Variants in PLA2G4F observed in about 807,000 individuals in gnomAD.
PLA2G4F encodes phospholipase A2 group IVF.
PLA2G4F carries 105 observed loss-of-function variants against 103.1 expected under a neutral mutation model. The ratio of observed to expected loss-of-function variants is 1.02; its 90% CI spans 0.87 to 1.20. The LOEUF (loss-of-function observed/expected upper bound fraction) is 1.20, where lower values mean the gene tolerates loss of function less well. PLA2G4F is among the 50% of genes most tolerant of loss of function. The probability of loss-of-function intolerance (pLI) is 0.00; values close to 1 mark genes in which losing one functional copy is unlikely to be tolerated. For synonymous variants in PLA2G4F, 468 were observed against 441.1 expected, an observed-to-expected ratio of 1.06 and a Z score of -0.76; for missense variants, 1,155 against 1,075.9, an observed-to-expected ratio of 1.07 and a Z score of -1.03.
intron 18 of PLA2G4F, among the ~76,000 whole-genome samples, chr15:42,143,130 G>C (rs892923008): frequency 2.3e-5 from 3 of 128,296 alleles, no homozygotes; most frequent in East Asian, 4.6e-4. Flanking sequence ...AGCGAGCCAA[G>C]ATTGCACCAC....
In PLA2G4F at chr15:42,150,438, C is replaced by T. The variant is rs761911194; in HGVS notation, c.820G>A (p.Gly274Arg). The change falls in exon 9 of 20, where the codon GGG (glycine) becomes AGG (arginine). Residue 274 changes from glycine (G) to arginine (R), a missense_variant. Physicochemically the swap from Gly to Arg is moderately radical, Grantham distance 125. Around this residue, in one of 3 missense-constraint regions of PLA2G4F, gnomAD observed 370 missense variants for 364.9 expected, o/e 1.01. Coordinates refer to ENST00000397272, the MANE Select transcript of PLA2G4F (RefSeq NM_213600.4). The stretch of plus-strand genomic sequence containing the variant: ...GGCAGAGAGGAGAGCAGGATGCCCC[C>T]CTCGCCCAGCTTGCTGGTCTGAGCC... ...LEAQTSKLGE[G>R]GILLSSLPLG... The T allele has an allele frequency of 5.6e-6, 9 of 1,613,526 alleles. No individual in the cohort carries two copies. The highest frequency in any genetic ancestry group is 1.7e-4 in the Middle Eastern group (1 of 6,060).
At chr15:42,149,149 C>G in intron 11 of PLA2G4F, 2 of 985,394 alleles carry the variant, frequency 2.0e-6, no homozygotes, top group Non-Finnish European at 2.4e-6. Flanking sequence ...GATCACATTA[C>G]AGACTCAACT....
rs2048874548 is a variant in PLA2G4F, at chr15:42,145,644, T to A, written c.1711A>T (p.Ile571Phe). Residue 571 changes from isoleucine (I) to phenylalanine (F), a missense_variant, in exon 16 of 20, where the codon ATC (isoleucine) becomes TTC (phenylalanine). Physicochemically the swap from Ile to Phe is conservative, Grantham distance 21. This residue lies in a region of PLA2G4F where 782 missense variants were observed against 692.9 expected (regional missense o/e 1.13). Coordinates refer to ENST00000397272, the MANE Select transcript of PLA2G4F (RefSeq NM_213600.4). ...CCCGAGCCGGCGGTCTTTAGGAAGA[T>A]CTCATCCAGGCTGGTGGCAAAGGCG... is the stretch of plus-strand genomic sequence containing the variant. ...GSAFATSLDE[I>F]FLKTAGSGLS... 1 of 1,613,926 alleles carries A rather than the reference T, an allele frequency of 6.2e-7. No individual in the cohort carries two copies. Among genetic ancestry groups the A allele is most frequent in the Admixed American group, 1.7e-5 (1 of 59,994 alleles).
Position 42,141,041 on chromosome 15 carries a change from G to A in PLA2G4F, c.*943C>T, listed in dbSNP as rs1451511378. On this transcript the variant is annotated 3_prime_UTR_variant, in exon 20 of 20. Transcript: ENST00000397272. ...AAACAAAACTTGCCAAGACCCATTG[G>A]ATGCATCTGGGAAAGAGGCAAGAGC... 2.8e-6 allele frequency: 1 copy of A among 352,770 alleles called. No individual in the cohort carries two copies. The highest frequency in any genetic ancestry group is 5.6e-6 in the Non-Finnish European group (1 of 177,882). 21.9% of individuals were successfully genotyped at this position (352,770 alleles called of 1,614,324 possible).
rs1334699533 is a variant in PLA2G4F at position 42,147,185 on chromosome 15, C to T, written c.1358G>A (p.Gly453Asp). ...TQELGVRERSGHSVSLIDLWG... is the reference protein window; with the variant it reads ...TQELGVRERSDHSVSLIDLWG... Reference sequence around the variant, plus strand: ...GAGGTCGATGAGGGACACGCTGTGGCCACTGCGCTCCCGGACCCCCAGTTC... The same window carrying T: ...GAGGTCGATGAGGGACACGCTGTGGTCACTGCGCTCCCGGACCCCCAGTTC... The change falls in exon 13 of 20, where the codon GGC (glycine) becomes GAC (aspartate). Residue 453 changes from glycine to aspartate, a missense_variant. Coordinates refer to ENST00000397272, the MANE Select transcript of PLA2G4F (RefSeq NM_213600.4). 8 of 1,612,868 alleles carry T rather than the reference C, an allele frequency of 5.0e-6. 1 individual carries two copies. The Middle Eastern group carries it at 1.4e-3, about 275-fold the overall frequency.
rs1277080041 is a variant in PLA2G4F, at chr15:42,147,682, C to T, written c.1140G>A (p.Gln380=). 3 of 1,614,058 alleles carry T rather than the reference C, an allele frequency of 1.9e-6. No individual in the cohort carries two copies. In the African/African-American group the frequency reaches 4.0e-5, roughly 22 times the overall value. Residue 380 remains glutamine, a synonymous_variant, in exon 12 of 20, where the codon CAG becomes CAA. Coordinates refer to ENST00000397272, the MANE Select transcript of PLA2G4F (RefSeq NM_213600.4). The stretch of plus-strand genomic sequence containing the variant: ...TCACAGTGTCTAGAAGGCCGAGCTC[C>T]TGCAACCCTGCCAGGCTGCCGTACA... ...SSLYGSLAGL[Q]ELGLLDTVTY...
chr15:42,154,875 GT>G (rs2048997490), intron 2 of PLA2G4F, among the ~76,000 whole-genome samples: 1 of 152,086 alleles, frequency 6.6e-6, no homozygotes, highest in Non-Finnish European at 1.5e-5. Context: ...CTGCACAGCT[GT>G]CCCCTCCAGC....
At chr15:42,149,171 A>G in intron 11 of PLA2G4F, 1 of 984,928 alleles carries the variant, frequency 1.0e-6, no homozygotes, top group Non-Finnish European at 1.2e-6. Context: ...TCCCCCTCCA[A>G]ATTCCTGTGT....
rs945650656 is a variant in PLA2G4F at position 42,142,790 on chromosome 15, C to T, written c.2143-76G>A. ...CCGCCGCCCTGGACTCACACACGCCCAGGCTTCAATGCCAGCTCTGTTTCT... is the reference window on the plus strand; with the variant it reads ...CCGCCGCCCTGGACTCACACACGCCTAGGCTTCAATGCCAGCTCTGTTTCT... On this transcript the variant is annotated intron_variant, in intron 18 of 19. Transcript: ENST00000397272. The T allele has an allele frequency of 1.0e-5, 15 of 1,475,602 alleles. No individual in the cohort carries two copies. In the African/African-American group the frequency reaches 2.1e-4, roughly 21 times the overall value. The allele number at this position is 1,475,602 out of a possible 1,614,324, so 91.4% of individuals were successfully genotyped here. A position where few individuals can be genotyped will look rare whatever the true frequency, so the allele number is the denominator to read the frequency against.
In PLA2G4F at chr15:42,140,646, T is replaced by G. The variant is rs894618267; in HGVS notation, c.*1338A>C. 2 of 152,898 alleles carry G rather than the reference T, an allele frequency of 1.3e-5. No individual in the cohort carries two copies. The highest frequency in any genetic ancestry group is 4.8e-5 in the African/African-American group (2 of 41,470). The allele number at this position is 152,898 out of a possible 1,614,324, so 9.5% of individuals were successfully genotyped here. On this transcript the variant is annotated 3_prime_UTR_variant, in exon 20 of 20. Transcript: ENST00000397272. ...TCCCAGGCCAGGCCAAGACACAGGC[T>G]GGGCTCCAGTCACCCTTCCCCAACC...
chr15:42,150,553 G>GA (rs1379857512), intron 8 of PLA2G4F, 55 bp downstream of exon 8: 1 of 1,596,038 alleles, frequency 6.3e-7, no homozygotes, highest in Non-Finnish European at 8.5e-7. Context: ...ACGTGGCCCT[G>GA]GAACGCCAGT....
chr15:42,145,942 C>CCA (rs746300228), intron 14 of PLA2G4F, 39 bp from the exon 15 acceptor site: 2 of 1,608,312 alleles, frequency 1.2e-6, no homozygotes, highest in East Asian at 4.5e-5. Context: ...CAGGGGCTTC[C>CCA]CACCACGGTG....
chr15:42,154,682 G>C (rs1485935732), intron 2 of PLA2G4F, among the ~76,000 whole-genome samples: 1 of 152,094 alleles, frequency 6.6e-6, no homozygotes, highest in African/African-American at 2.4e-5. Context: ...CAGCCAGTTG[G>C]AAAGATCCCA....
rs764023975 is a variant in PLA2G4F, at chr15:42,141,615, C to A, written c.*369G>T. 6.3e-6 allele frequency: 3 copies of A among 476,464 alleles called. No homozygotes were observed. Among genetic ancestry groups the A allele is most frequent in the South Asian group, 1.5e-5 (1 of 64,742 alleles). The allele number at this position is 476,464 out of a possible 1,614,324, so 29.5% of individuals were successfully genotyped here. ...ACAGCTGGCTTCTCAGTGCCCTCAG[C>A]CCCTGTTCTGTGTGGGTCTGAGGAC... On this transcript the variant is annotated 3_prime_UTR_variant, in exon 20 of 20. Transcript: ENST00000397272.
chr15:42,153,650 T>C lies in PLA2G4F; in HGVS notation c.461A>G (p.Glu154Gly), dbSNP rs1397140667. ...CTCCAGAACAAATTCCACCTGCAGC[T>C]CTTGTGAATCCTACATGGAGGGGGA... The part of the protein sequence containing the change: ...TFPLNHQDSQ[E>G]LQVEFVLEKS... Residue 154 changes from glutamate to glycine, a missense_variant, in exon 5 of 20, where the codon GAG (glutamate) becomes GGG (glycine). Physicochemically the swap from Glu to Gly is moderately conservative, Grantham distance 98. Around this residue, in one of 3 missense-constraint regions of PLA2G4F, gnomAD observed 370 missense variants for 364.9 expected, o/e 1.01. Coordinates refer to ENST00000397272, the MANE Select transcript of PLA2G4F (RefSeq NM_213600.4). 3 of 1,614,162 alleles carry C rather than the reference T, an allele frequency of 1.9e-6. No individual in the cohort carries two copies. The highest frequency in any genetic ancestry group is 1.1e-5 in the South Asian group (1 of 91,084).
chr15:42,154,062 T>C, intron 4 of PLA2G4F, 30 bp downstream of exon 4: 1 of 1,613,648 alleles, frequency 6.2e-7, no homozygotes, highest in Non-Finnish European at 8.5e-7. Context: ...CTCCTCCAGC[T>C]GGGCTCTCCG....
intron 11 of PLA2G4F, chr15:42,149,277 G>A (rs896092097): frequency 2.7e-5 from 19 of 694,570 alleles, no homozygotes; most frequent in Middle Eastern, 1.5e-3. Context: ...TCAACTGATA[G>A]GACTGGGGTC....
chr15:42,142,316 C>G, intron 19 of PLA2G4F, 112 bp from the exon 20 acceptor site: 1 of 1,180,404 alleles, frequency 8.5e-7, no homozygotes, highest in East Asian at 2.6e-5. Context: ...CCTGCGGGCC[C>G]TGCTTGGGCC....
Position 42,150,647 on chromosome 15 carries a change from C to A in PLA2G4F, c.732G>T (p.Arg244Ser). The change falls in exon 8 of 20, where the codon AGG (arginine) becomes AGT (serine). Residue 244 changes from arginine to serine, a missense_variant. Transcript: ENST00000397272. ...TFHVNPVLSS[R>S]LHVELMELLA... Reference sequence around the variant, plus strand: ...GCAGCTCCATCAGCTCCACGTGTAGCCTGGAGCTCAGCACTGGGTTCACGT... The same window carrying A: ...GCAGCTCCATCAGCTCCACGTGTAGACTGGAGCTCAGCACTGGGTTCACGT... The A allele has an allele frequency of 6.2e-7, 1 of 1,613,344 alleles. No homozygotes were observed. Among genetic ancestry groups the A allele is most frequent in the Non-Finnish European group, 8.5e-7 (1 of 1,179,676 alleles).
Sources: gnomAD v4.1 joint callset for allele counts (sites outside exome capture counted in the v4.1 genomes callset) on GRCh38, gnomAD v4.1.1 for gene constraint, gnomAD v4.1.1 regional missense constraint, MANE v1.5 for transcripts, NCBI Gene and HGNC (gene_info 2026-07-23, HGNC 2026-07-21) for gene names.